MYO5C: variants seen among roughly 807,000 people sequenced by gnomAD.
MYO5C encodes the protein unconventional myosin-Vc.
In MYO5C, 194 loss-of-function variants were observed where a neutral mutation model predicts 235.7. The observed-to-expected ratio is 0.82, with a 90% CI of 0.73 to 0.93. MYO5C has a LOEUF of 0.93. Among genes scored for constraint, MYO5C ranks in the 40% least tolerant of loss-of-function variants. MYO5C has a pLI of 0.00. For missense variants in MYO5C, 2,038 were observed against 2,127.2 expected (o/e 0.96, Z 0.82); for synonymous variants, 707 against 754.8 (o/e 0.94, Z 1.04).
chr15:52,193,926 C>G lies in MYO5C; in HGVS notation c.5205G>C (p.Lys1735Asn). 1 of 1,612,954 alleles carries G rather than the reference C, an allele frequency of 6.2e-7. No homozygotes were observed. Residue 1735 changes from lysine (K) to asparagine (N), a missense_variant, in exon 41 of 41, where the codon AAG becomes AAC. Lys to Asn is a moderately conservative substitution (Grantham distance 94, BLOSUM62 0). Coordinates refer to ENST00000261839, the MANE Select transcript of MYO5C (RefSeq NM_018728.4). Reference sequence around the variant, plus strand: ...GCTATAACCTATTCAGAAAGCCTAGCTTGAAACTGCTGGGGATCTGAATCA... The same window carrying G: ...GCTATAACCTATTCAGAAAGCCTAGGTTGAAACTGCTGGGGATCTGAATCA... ...LEMIQIPSSF[K>N]LGFLNRL
intron 17 of MYO5C, 78 bp from the exon 18 acceptor site, chr15:52,245,543 C>T (rs1257885005): frequency 2.0e-6 from 2 of 979,668 alleles, no homozygotes; most frequent in African/African-American, 3.2e-5. Flanking sequence ...GCCTTACCTG[C>T]CACTGTTGTC....
rs2037190792 is a variant in MYO5C, at chr15:52,282,897, CCAA to C, written c.28-8_28-6del. On this transcript the variant is annotated splice_polypyrimidine_tract_variant and splice_region_variant and intron_variant, in intron 1 of 40. Transcript: ENST00000261839. ...GGGAATCCAGACCCTGTTGTACTGA[CCAA>C]CAGGATGAGAAAAGCTGAATTTCAG... 1 of 1,581,890 alleles carries C rather than the reference CCAA, an allele frequency of 6.3e-7. No individual in the cohort carries two copies. Among genetic ancestry groups the C allele is most frequent in the African/African-American group, 1.3e-5 (1 of 74,276 alleles).
In MYO5C at chr15:52,275,726, A is replaced by G; in HGVS notation, c.450-8T>C. Reference sequence around the variant, plus strand: ...GACTGGTTTCTGTTGTTTCTAAAGCAAATAAAAGTTTTCAAATATTAGTTT... The same window carrying G: ...GACTGGTTTCTGTTGTTTCTAAAGCGAATAAAAGTTTTCAAATATTAGTTT... On this transcript the variant is annotated splice_region_variant and splice_polypyrimidine_tract_variant and intron_variant, in intron 4 of 40. Transcript: ENST00000261839. 1 of 1,613,648 alleles carries G rather than the reference A, an allele frequency of 6.2e-7. No individual in the cohort carries two copies. Among genetic ancestry groups the G allele is most frequent in the Non-Finnish European group, 8.5e-7 (1 of 1,179,546 alleles).
intron 2 of MYO5C, among the ~76,000 whole-genome samples, chr15:52,282,435 T>C (rs1274296697): frequency 1.3e-5 from 2 of 152,362 alleles, no homozygotes; most frequent in African/African-American, 4.8e-5. Context: ...CTGCCCAATC[T>C]CTGGGCTGAG....
intron 25 of MYO5C, among the ~76,000 whole-genome samples, chr15:52,228,523 TA>T (rs1396705485): frequency 2.6e-5 from 4 of 152,228 alleles, no homozygotes; most frequent in African/African-American, 9.6e-5. Context: ...AAAATTTACT[TA>T]AAAATTTCTA....
chr15:52,225,112 G>A lies in MYO5C; in HGVS notation c.3328C>T (p.Leu1110Phe), dbSNP rs768857830. ...REKMSEITKQLLESYDIEDVR... is the reference protein window; with the variant it reads ...REKMSEITKQFLESYDIEDVR... ...TCTTCAATGTCATAGCTTTCGAGAA[G>A]TTGTTTGGTGATCTCTGACATCTTT... The change falls in exon 27 of 41, where the codon CTT (leucine) becomes TTT (phenylalanine). Residue 1110 changes from leucine to phenylalanine, a missense_variant. Coordinates refer to ENST00000261839, the MANE Select transcript of MYO5C (RefSeq NM_018728.4). 1.2e-6 allele frequency: 2 copies of A among 1,614,102 alleles called. No individual in the cohort carries two copies.
At chr15:52,258,667 G>A (rs1246785867) in intron 10 of MYO5C, among the ~76,000 whole-genome samples, 2 of 152,234 alleles carry the variant, frequency 1.3e-5, no homozygotes, top group Non-Finnish European at 2.9e-5. Flanking sequence ...GGCGGGAAAG[G>A]CTTGGCCCCA....
intron 12 of MYO5C, among the ~76,000 whole-genome samples, chr15:52,252,736 C>T (rs967496940): frequency 2.0e-5 from 3 of 151,498 alleles, no homozygotes; most frequent in Admixed American, 6.6e-5. Flanking sequence ...GATGGCACCA[C>T]TGCACTCCAG....
chr15:52,192,331 T>C lies in MYO5C; in HGVS notation c.*1571A>G, dbSNP rs2034944088. On this transcript the variant is annotated 3_prime_UTR_variant, in exon 41 of 41. Transcript: ENST00000261839. ...AATCTGACCCAATTCATTTGGTAATTAATTTTATTGATTAAAGTATTACAA... is the reference window on the plus strand; with the variant it reads ...AATCTGACCCAATTCATTTGGTAATCAATTTTATTGATTAAAGTATTACAA... 1 of 152,238 alleles carries C rather than the reference T, an allele frequency of 6.6e-6. No homozygotes were observed. Among genetic ancestry groups the C allele is most frequent in the Non-Finnish European group, 1.5e-5 (1 of 68,048 alleles). 9.4% of individuals were successfully genotyped at this position (152,238 alleles called of 1,614,324 possible).
At chr15:52,209,785 C>T (rs1391725428) in intron 35 of MYO5C, among the ~76,000 whole-genome samples, 2 of 152,044 alleles carry the variant, frequency 1.3e-5, no homozygotes, top group African/African-American at 4.8e-5. Flanking sequence ...TGTGGTGGCT[C>T]CTGTGAAGAT....
intron 31 of MYO5C, among the ~76,000 whole-genome samples, chr15:52,219,221 G>A (rs1466152789): frequency 6.6e-6 from 1 of 152,232 alleles, no homozygotes; most frequent in Non-Finnish European, 1.5e-5. Context: ...GTCTCAACAA[G>A]TTGGCAACAA....
chr15:52,195,778 T>C (rs1205937416), intron 39 of MYO5C, among the ~76,000 whole-genome samples: 1 of 151,750 alleles, frequency 6.6e-6, no homozygotes, highest in Non-Finnish European at 1.5e-5. Context: ...TAGACATTTG[T>C]GTATATGTGT....
intron 8 of MYO5C, among the ~76,000 whole-genome samples, chr15:52,267,757 T>C (rs1825993066): frequency 6.6e-6 from 1 of 152,202 alleles, no homozygotes; most frequent in African/African-American, 2.4e-5. Context: ...TCACATTCAT[T>C]TGATCCCAAA....
rs574462658 is a variant in MYO5C at position 52,269,360 on chromosome 15, C to T, written c.940+393G>A. 1.4e-4 allele frequency among the ~76,000 whole-genome samples: 21 copies of T among 150,280 alleles called. No homozygotes were observed. In the South Asian group the frequency reaches 2.3e-3, roughly 17 times the overall value. On this transcript the variant is annotated intron_variant, in intron 8 of 40. Coordinates refer to ENST00000261839, the MANE Select transcript of MYO5C (RefSeq NM_018728.4). ...ATTGATTAGGAGCCTTCAGAATACA[C>T]ATTTGCTGGGAATCCCCACCTTTTA...
At chr15:52,292,096 T>C (rs987355545) in intron 1 of MYO5C, among the ~76,000 whole-genome samples, 1 of 152,234 alleles carries the variant, frequency 6.6e-6, no homozygotes, top group Admixed American at 6.5e-5. Flanking sequence ...ATTTTTCACA[T>C]AACCATGTTT....
intron 11 of MYO5C, among the ~76,000 whole-genome samples, chr15:52,256,248 C>T (rs537460019): frequency 1.6e-4 from 24 of 152,078 alleles, no homozygotes; most frequent in Non-Finnish European, 3.2e-4. Context: ...GAGTTGGCCA[C>T]GTGAAGATAA....
chr15:52,274,364 CA>C (rs1398631259), intron 5 of MYO5C, among the ~76,000 whole-genome samples: 2 of 152,092 alleles, frequency 1.3e-5, no homozygotes, highest in African/African-American at 4.8e-5. Context: ...CTGCAACCTC[CA>C]CCTCCTGACT....
Position 52,205,159 on chromosome 15 carries a change from C to T in MYO5C, c.4538-12G>A, listed in dbSNP as rs756682416. The T allele has an allele frequency of 2.8e-5, 45 of 1,611,556 alleles. No individual in the cohort carries two copies. The highest frequency in any genetic ancestry group is 3.7e-5 in the Non-Finnish European group (44 of 1,178,568). On this transcript the variant is annotated splice_polypyrimidine_tract_variant and intron_variant, in intron 37 of 40. Coordinates refer to ENST00000261839, the MANE Select transcript of MYO5C (RefSeq NM_018728.4). ...CAGCATTCCCGGAACTGCGGAGAGA[C>T]AGGGAGGCTGTGCTGACACGCCAGG...
At chr15:52,204,234 C>T (rs1269854046) in intron 38 of MYO5C, among the ~76,000 whole-genome samples, 1 of 151,696 alleles carries the variant, frequency 6.6e-6, no homozygotes, top group African/African-American at 2.4e-5. Flanking sequence ...TACCTTGGTC[C>T]TGCTGCTCCC....
Sources: allele counts gnomAD v4.1 joint callset (sites outside exome capture counted in the v4.1 genomes callset), GRCh38; gene constraint gnomAD v4.1.1; transcripts MANE v1.5; gene names NCBI Gene and HGNC (gene_info 2026-07-23, HGNC 2026-07-21).